The following QRSL1 variants were observed in gnomAD, a reference collection of about 807,000 sequenced individuals.
QRSL1 encodes the protein glutaminyl-tRNA amidotransferase subunit QRSL1.
In QRSL1, 54 loss-of-function variants were observed where a neutral mutation model predicts 61.6. The ratio of observed to expected loss-of-function variants is 0.88; its 90% CI spans 0.70 to 1.10. The LOEUF is 1.10. Ranked by LOEUF, QRSL1 falls within the 50% of genes least tolerant of loss-of-function variation. The pLI is 0.00. For synonymous variants in QRSL1, 228 were observed against 225.7 expected, an observed-to-expected ratio of 1.01 and a Z score of -0.09; for missense variants, 505 against 622.6, an observed-to-expected ratio of 0.81 and a Z score of 2.01.
At chr6:106,642,427 G>A (rs1407797329) in intron 3 of QRSL1, 7 of 568,574 alleles carry the variant, frequency 1.2e-5, no homozygotes, top group Admixed American at 9.1e-5. Context: ...TGGCCTTTTG[G>A]CGGGAACCAC....
chr6:106,633,544 G>A (rs1176586382), intron 1 of QRSL1, among the ~76,000 whole-genome samples: 1 of 152,058 alleles, frequency 6.6e-6, no homozygotes, highest in Admixed American at 6.6e-5. Flanking sequence ...CAGGAGTCCT[G>A]GGAATAGGCA....
intron 4 of QRSL1, among the ~76,000 whole-genome samples, chr6:106,645,132 G>A (rs1261755816): frequency 6.6e-6 from 1 of 152,014 alleles, no homozygotes; most frequent in Non-Finnish European, 1.5e-5. Flanking sequence ...TTTATAGTAA[G>A]CCTTGAAATT....
At chr6:106,631,311 T>G (rs1776826230) in intron 1 of QRSL1, among the ~76,000 whole-genome samples, 1 of 152,238 alleles carries the variant, frequency 6.6e-6, no homozygotes, top group Non-Finnish European at 1.5e-5. Context: ...TAAAAATATG[T>G]TATTTCCTTT....
chr6:106,642,567 A>C (rs1357221206), intron 3 of QRSL1: 2 of 735,904 alleles, frequency 2.7e-6, no homozygotes, highest in Non-Finnish European at 2.5e-6. Context: ...AAGAAAGGTG[A>C]TGTGGACATC....
At chr6:106,641,901 T>C (rs1031932884) in intron 3 of QRSL1, among the ~76,000 whole-genome samples, 7 of 152,208 alleles carry the variant, frequency 4.6e-5, no homozygotes, top group African/African-American at 1.7e-4. Context: ...ATTATAAAAA[T>C]AGTGAAGGCA....
At chr6:106,642,928 A>G in intron 3 of QRSL1, 66 bp from the exon 4 acceptor site, 2 of 1,095,958 alleles carry the variant, frequency 1.8e-6, no homozygotes, top group South Asian at 1.4e-5. Flanking sequence ...TCATGGCATA[A>G]TAGGTATAAA....
Position 106,652,469 on chromosome 6 carries a change from G to A in QRSL1, c.736G>A (p.Ala246Thr). The change falls in exon 7 of 11, where the codon GCA becomes ACA. Residue 246 changes from alanine to threonine, a missense_variant and splice_region_variant. By Grantham distance (58) the Ala-to-Thr change is moderately conservative. Coordinates refer to ENST00000369046, the MANE Select transcript of QRSL1 (RefSeq NM_018292.5). ...CVDDAAIVLG[A>T]LAGPDPRDST... is the part of the protein sequence containing the mutation. ...TTCATAAGTATTGCTCCTTACAGGT[G>A]CACTGGCCGGACCTGACCCCAGGGA... The A allele has an allele frequency of 1.2e-6, 2 of 1,614,118 alleles. No homozygotes were observed. The highest frequency in any genetic ancestry group is 1.7e-6 in the Non-Finnish European group (2 of 1,179,986).
At chr6:106,633,059 A>G (rs1776862734) in intron 1 of QRSL1, among the ~76,000 whole-genome samples, 1 of 152,232 alleles carries the variant, frequency 6.6e-6, no homozygotes, top group Non-Finnish European at 1.5e-5. Flanking sequence ...AGCCATTGTG[A>G]AAAACAACTT....
At chr6:106,658,402 A>G (rs1777304959) in intron 9 of QRSL1, among the ~76,000 whole-genome samples, 1 of 152,166 alleles carries the variant, frequency 6.6e-6, no homozygotes, top group Non-Finnish European at 1.5e-5. Flanking sequence ...TTAAAAATGT[A>G]GGTTAAGCTG....
intron 1 of QRSL1, among the ~76,000 whole-genome samples, chr6:106,637,806 A>G (rs1231034712): frequency 6.6e-6 from 1 of 152,130 alleles, no homozygotes; most frequent in African/African-American, 2.4e-5. Context: ...TGTATATGTG[A>G]TTTATGTTTC....
intron 3 of QRSL1, among the ~76,000 whole-genome samples, chr6:106,642,009 T>C (rs1157908004): frequency 1.3e-5 from 2 of 152,242 alleles, no homozygotes; most frequent in Admixed American, 1.3e-4. Flanking sequence ...TACATATCAC[T>C]ATGAATTGCT....
At chr6:106,662,936 A>G in intron 9 of QRSL1, 44 bp from the exon 10 acceptor site, 1 of 1,464,282 alleles carries the variant, frequency 6.8e-7, no homozygotes, top group South Asian at 1.2e-5. Flanking sequence ...TTAAAAGAAA[A>G]ATACAAAAAA....
In QRSL1 at chr6:106,629,701, G is replaced by C; in HGVS notation, c.20G>C (p.Arg7Pro). Residue 7 changes from arginine (R) to proline (P), a missense_variant, in exon 1 of 11, where the codon CGA becomes CCA. Physicochemically the swap from Arg to Pro is moderately radical, Grantham distance 103. Coordinates refer to ENST00000369046, the MANE Select transcript of QRSL1 (RefSeq NM_018292.5). MLGRSL[R>P]EVSAALKQGQ... ...AGGACCATGCTGGGCCGGAGCCTCCGAGAAGTGAGTGGAATTGGCCCGCTG... is the reference window on the plus strand; with the variant it reads ...AGGACCATGCTGGGCCGGAGCCTCCCAGAAGTGAGTGGAATTGGCCCGCTG... The C allele has an allele frequency of 4.4e-6, 7 of 1,606,394 alleles. No individual in the cohort carries two copies. Among genetic ancestry groups the C allele is most frequent in the Middle Eastern group, 1.7e-4 (1 of 6,050 alleles).
chr6:106,660,098 AC>A (rs751000094), intron 9 of QRSL1, among the ~76,000 whole-genome samples: 2 of 146,548 alleles, frequency 1.4e-5, no homozygotes, highest in East Asian at 2.1e-4. Context: ...CCTTTAACTT[AC>A]CCCCCACCCC....
chr6:106,639,266 C>T (rs1481646445), intron 1 of QRSL1, among the ~76,000 whole-genome samples: 1 of 151,752 alleles, frequency 6.6e-6, no homozygotes, highest in Admixed American at 6.6e-5. Flanking sequence ...GCTGGGACTA[C>T]AGGCACGTGC....
chr6:106,666,160 A>T lies in QRSL1; in HGVS notation c.*158A>T. ...AACCCCGTCTCTACTAAAAATACAA[A>T]AATTAGCCAGGCTTAGTGGCGGGCA... On this transcript the variant is annotated 3_prime_UTR_variant, in exon 11 of 11. Coordinates refer to ENST00000369046, the MANE Select transcript of QRSL1 (RefSeq NM_018292.5). 4.7e-6 allele frequency: 3 copies of T among 634,970 alleles called. No homozygotes were observed. The highest frequency in any genetic ancestry group is 8.1e-6 in the Non-Finnish European group (3 of 370,586). The allele number at this position is 634,970 out of a possible 1,614,324, so 39.3% of individuals were successfully genotyped here. A position where few individuals can be genotyped will look rare whatever the true frequency, so the allele number is the denominator to read the frequency against.
Position 106,666,799 on chromosome 6 carries a change from G to A in QRSL1, c.*797G>A, listed in dbSNP as rs1777442965. 6.6e-6 allele frequency: 1 copy of A among 152,268 alleles called. No homozygotes were observed. The highest frequency in any genetic ancestry group is 1.5e-5 in the Non-Finnish European group (1 of 68,080). The allele number at this position is 152,268 out of a possible 1,614,324, so 9.4% of individuals were successfully genotyped here. A position where few individuals can be genotyped will look rare whatever the true frequency, so the allele number is the denominator to read the frequency against. ...TGAGCGCTGAGCAGAGCAGGTGGAA[G>A]AGGAACTTTGAGCACAGGAGGAAAT... is the stretch of plus-strand genomic sequence containing the variant. On this transcript the variant is annotated 3_prime_UTR_variant, in exon 11 of 11. Transcript: ENST00000369046.
At position 106,649,115 on chromosome 6, in the gene QRSL1, C is replaced by G; in HGVS notation, c.471C>G (p.His157Gln). 6.2e-7 allele frequency: 1 copy of G among 1,614,212 alleles called. No individual in the cohort carries two copies. The highest frequency in any genetic ancestry group is 8.5e-7 in the Non-Finnish European group (1 of 1,180,038). Residue 157 changes from histidine to glutamine, a missense_variant, in exon 5 of 11, where the codon CAC becomes CAG. His to Gln is a conservative substitution (Grantham distance 24). Coordinates refer to ENST00000369046, the MANE Select transcript of QRSL1 (RefSeq NM_018292.5). Reference protein sequence around the residue: ...QYREKRKQNPHSENEDSDWLI... With the variant: ...QYREKRKQNPQSENEDSDWLI... ...GAGAAAAGAGGAAGCAGAATCCCCACAGCGAGAATGAAGATTCAGACTGGC... is the reference window on the plus strand; with the variant it reads ...GAGAAAAGAGGAAGCAGAATCCCCAGAGCGAGAATGAAGATTCAGACTGGC...
chr6:106,650,658 A>G (rs944112701), intron 5 of QRSL1, among the ~76,000 whole-genome samples: 2 of 152,222 alleles, frequency 1.3e-5, no homozygotes, highest in Non-Finnish European at 2.9e-5. Context: ...GCACTATGCA[A>G]TGACATGGAA....
Sources: allele counts gnomAD v4.1 joint callset (sites outside exome capture counted in the v4.1 genomes callset), GRCh38; gene constraint gnomAD v4.1.1; transcripts MANE v1.5; gene names NCBI Gene and HGNC (gene_info 2026-07-23, HGNC 2026-07-21).